CBR4: variants seen among roughly 807,000 people sequenced by gnomAD.
The protein encoded by CBR4 is 3-oxoacyl-[acyl-carrier-protein] reductase.
CBR4 carries 22 observed loss-of-function variants against 21.0 expected under a neutral mutation model. That is an observed-to-expected ratio of 1.05 (90% CI 0.75 to 1.50). CBR4 has a LOEUF of 1.50. Among genes scored for constraint, CBR4 ranks in the 40% most tolerant of loss-of-function variants. The pLI, the probability that CBR4 is intolerant of heterozygous loss-of-function variation, is 0.00. For missense variants in CBR4, 302 were observed against 286.3 expected (o/e 1.05, Z -0.40); for synonymous variants, 100 against 104.4 (o/e 0.96, Z 0.26).
At chr4:168,971,755 G>T (rs1443987503) in intron 2 of CBR4, among the ~76,000 whole-genome samples, 4 of 152,090 alleles carry the variant, frequency 2.6e-5, no homozygotes, top group African/African-American at 9.7e-5. Context: ...TGTTTACGCT[G>T]CTGATTATTT....
rs758977791 is a variant in CBR4 at position 169,009,971 on chromosome 4, T to G, written c.119A>C (p.Lys40Thr). 1.6e-5 allele frequency: 25 copies of G among 1,612,624 alleles called. No homozygotes were observed. Among genetic ancestry groups the G allele is most frequent in the Non-Finnish European group, 2.0e-5 (24 of 1,179,556 alleles). The change falls in exon 1 of 5, where the codon AAA becomes ACA. Residue 40 changes from lysine to threonine, a missense_variant. By Grantham distance (78) the Lys-to-Thr change is moderately conservative. Transcript: ENST00000306193. ...AVIARNLEGA[K>T]AAAGDLGGDH... is the part of the protein sequence containing the mutation. ...ACCGCCGAGGTCACCGGCGGCGGCT[T>G]TGGCCCCTTCCAGGTTTCTGGCAAT...
chr4:168,986,136 T>C (rs1764684295), downstream of CBR4, among the ~76,000 whole-genome samples: 2 of 151,550 alleles, frequency 1.3e-5, no homozygotes. Context: ...ATAATGCAAA[T>C]AAAAAACAAT....
downstream of CBR4, among the ~76,000 whole-genome samples, chr4:168,985,773 T>C (rs1233953399): frequency 2.6e-5 from 4 of 152,152 alleles, no homozygotes; most frequent in African/African-American, 9.7e-5. Flanking sequence ...TTATCCTAAG[T>C]ATCCTAATAC....
intron 2 of CBR4, among the ~76,000 whole-genome samples, chr4:168,931,990 T>C (rs1264468141): frequency 1.3e-5 from 2 of 152,004 alleles, no homozygotes; most frequent in Non-Finnish European, 2.9e-5. Flanking sequence ...GTGACTGTTC[T>C]ACCAGATGCA....
chr4:168,960,091 T>C lies in CBR4; in HGVS notation n.169+41980A>G, dbSNP rs919341012. The stretch of plus-strand genomic sequence containing the variant: ...CTGTTAAATGTATTCCTAAGTGTTA[T>C]GGTTTTTAATGCTACTGTAAATGGA... On this transcript the variant is annotated intron_variant and non_coding_transcript_variant, in intron 2 of 3. Transcript: ENST00000509108. 3.3e-5 allele frequency among the ~76,000 whole-genome samples: 5 copies of C among 152,194 alleles called. No individual in the cohort carries two copies. In the South Asian group the frequency reaches 6.2e-4, roughly 19 times the overall value.
intron 2 of CBR4, among the ~76,000 whole-genome samples, chr4:168,947,189 A>G (rs1170594860): frequency 6.6e-6 from 1 of 152,020 alleles, no homozygotes; most frequent in Non-Finnish European, 1.5e-5. Context: ...TTGAATGTAC[A>G]GTTTGGTTTA....
rs1206494313 is a variant in CBR4 at position 168,990,188 on chromosome 4, C to T, written c.676G>A (p.Val226Ile). ...LLESPYITGH[V>I]LVVDGGLQLI... is the part of the protein sequence containing the mutation. ...TGTAATCCCCCATCCACTACCAGAA[C>T]ATGCCCTGTAATATACGGTGATTCT... Residue 226 changes from valine (V) to isoleucine (I), a missense_variant, in exon 5 of 5, where the codon GTT becomes ATT. Val to Ile is a conservative substitution (Grantham distance 29, BLOSUM62 3). Coordinates refer to ENST00000306193, the MANE Select transcript of CBR4 (RefSeq NM_032783.5). 1.9e-6 allele frequency: 3 copies of T among 1,611,284 alleles called. No individual in the cohort carries two copies. The highest frequency in any genetic ancestry group is 1.3e-5 in the African/African-American group (1 of 74,750).
intron 4 of CBR4, among the ~76,000 whole-genome samples, chr4:168,995,793 C>T (rs1765168625): frequency 6.6e-6 from 1 of 152,090 alleles, no homozygotes; most frequent in Non-Finnish European, 1.5e-5. Context: ...GGAGGACAGA[C>T]ATGTGATCCC....
intron 2 of CBR4, chr4:168,898,385 T>C (rs1018855006): frequency 9.3e-6 from 7 of 754,372 alleles, no homozygotes; most frequent in Non-Finnish European, 1.7e-5. Flanking sequence ...TTTTAAGCTG[T>C]ATGGTAAAAA....
intron 2 of CBR4, among the ~76,000 whole-genome samples, chr4:168,940,062 A>T (rs1016199312): frequency 2.0e-5 from 3 of 152,190 alleles, no homozygotes; most frequent in African/African-American, 7.2e-5. Flanking sequence ...ACAGTAATAA[A>T]AACAGTCTGG....
chr4:168,901,404 A>G lies in CBR4; in HGVS notation n.170-6639T>C, dbSNP rs535242261. Among the ~76,000 whole-genome samples, 9 of 152,262 alleles carry G rather than the reference A, an allele frequency of 5.9e-5. No homozygotes were observed. The South Asian group carries it at 1.9e-3, about 32-fold the overall frequency. ...CTCCCTCCATTAGTACGCTTGGTAA[A>G]ATTTTGGAAATATTTCTTAGATCTT... On this transcript the variant is annotated intron_variant and non_coding_transcript_variant, in intron 2 of 3. Transcript: ENST00000509108.
rs1415734070 is a variant in CBR4, at chr4:168,939,101, G to A, written n.170-44336C>T. On this transcript the variant is annotated intron_variant and non_coding_transcript_variant, in intron 2 of 3. Coordinates refer to the CBR4 transcript ENST00000509108. ...GCACATCAAAAAGCTTATCTACCACGATCAAGTCGACTTCATCCATGGGAT... is the reference window on the plus strand; with the variant it reads ...GCACATCAAAAAGCTTATCTACCACAATCAAGTCGACTTCATCCATGGGAT... Among the ~76,000 whole-genome samples the A allele has an allele frequency of 3.3e-5, 5 of 152,290 alleles. 1 individual carries two copies. The South Asian group carries it at 6.2e-4, about 19-fold the overall frequency.
chr4:168,950,991 A>T (rs1763525361), intron 2 of CBR4, among the ~76,000 whole-genome samples: 1 of 152,098 alleles, frequency 6.6e-6, no homozygotes, highest in Non-Finnish European at 1.5e-5. Flanking sequence ...TTATGTGTTA[A>T]GTGAGTCTCT....
At chr4:168,937,541 A>G (rs1191863230) in intron 2 of CBR4, among the ~76,000 whole-genome samples, 2 of 152,102 alleles carry the variant, frequency 1.3e-5, no homozygotes, top group Non-Finnish European at 2.9e-5. Context: ...ATCAAGACCC[A>G]TCGGTGTCCT....
chr4:168,978,330 T>C (rs1446015651), intron 2 of CBR4, among the ~76,000 whole-genome samples: 2 of 152,172 alleles, frequency 1.3e-5, no homozygotes, highest in East Asian at 3.9e-4. Context: ...AGTGGCAAGA[T>C]GGCTGACTAG....
chr4:168,925,099 T>C (rs747920703), intron 2 of CBR4: 10 of 1,613,196 alleles, frequency 6.2e-6, no homozygotes, highest in Non-Finnish European at 8.5e-6. Context: ...CTTCATCTCA[T>C]TTCATTGCGT....
Position 168,967,034 on chromosome 4 carries a change from C to G in CBR4, n.169+35037G>C, listed in dbSNP as rs140932788. Among the ~76,000 whole-genome samples, 25 of 151,378 alleles carry G rather than the reference C, an allele frequency of 1.7e-4. No individual in the cohort carries two copies. In the East Asian group the frequency reaches 4.7e-3, roughly 28 times the overall value. On this transcript the variant is annotated intron_variant and non_coding_transcript_variant, in intron 2 of 3. Coordinates refer to the CBR4 transcript ENST00000509108. ...CATCTAAAAAAAAAAAAAAATCACG[C>G]TACTATAAAGACACATGCACACATA...
chr4:168,966,978 G>C (rs1370376500), intron 2 of CBR4, among the ~76,000 whole-genome samples: 1 of 149,728 alleles, frequency 6.7e-6, no homozygotes, highest in Admixed American at 6.7e-5. Context: ...TTGCGCCACT[G>C]CACTCCAGCC....
At chr4:169,005,935 G>A (rs1579029095) in intron 3 of CBR4, 3 of 1,278,044 alleles carry the variant, frequency 2.3e-6, no homozygotes, top group Non-Finnish European at 2.0e-6. Flanking sequence ...ATTACCATTT[G>A]AAAATAAAAA....
Sources: allele counts gnomAD v4.1 joint callset (sites outside exome capture counted in the v4.1 genomes callset), GRCh38; gene constraint gnomAD v4.1.1; transcripts MANE v1.5; gene names NCBI Gene and HGNC (gene_info 2026-07-23, HGNC 2026-07-21).